The following XYLT1 variants were observed in gnomAD, a reference collection of about 807,000 sequenced individuals.
The protein encoded by XYLT1 is beta-D-xylosyltransferase 1.
In XYLT1, 36 loss-of-function variants were observed where a neutral mutation model predicts 91.3. The ratio of observed to expected loss-of-function variants is 0.39; its 90% CI spans 0.30 to 0.52. The LOEUF is 0.52. XYLT1 is among the 20% of genes least tolerant of loss of function. The pLI is 0.68. For missense variants in XYLT1, 1,242 were observed against 1,284.5 expected (o/e 0.97, Z 0.51); for synonymous variants, 588 against 532.0 (o/e 1.11, Z -1.45).
chr16:17,372,714 C>A (rs994912530), intron 1 of XYLT1, among the ~76,000 whole-genome samples: 2 of 152,174 alleles, frequency 1.3e-5, no homozygotes, highest in African/African-American at 4.8e-5. Flanking sequence ...GTATCAGAGT[C>A]TCTGTGTACA....
intron 1 of XYLT1, among the ~76,000 whole-genome samples, chr16:17,392,709 G>T (rs1446122501): frequency 6.6e-6 from 1 of 152,090 alleles, no homozygotes; most frequent in East Asian, 1.9e-4. Flanking sequence ...CAAGACAGAA[G>T]GCCACATATC....
chr16:17,461,374 A>G (rs1362251514), intron 1 of XYLT1, among the ~76,000 whole-genome samples: 2 of 152,208 alleles, frequency 1.3e-5, no homozygotes, highest in Admixed American at 1.3e-4. Flanking sequence ...CTCCCTAGAG[A>G]TCGGCCACTT....
chr16:17,293,329 TG>T (rs1247032778), intron 2 of XYLT1, among the ~76,000 whole-genome samples: 2 of 152,154 alleles, frequency 1.3e-5, no homozygotes, highest in Non-Finnish European at 2.9e-5. Context: ...TCCGCTGACC[TG>T]GGAGCATCTC....
intron 2 of XYLT1, among the ~76,000 whole-genome samples, chr16:17,304,516 T>C (rs1215608780): frequency 1.3e-5 from 2 of 152,224 alleles, no homozygotes; most frequent in Non-Finnish European, 2.9e-5. Context: ...TTAAAGTGAT[T>C]GTAACATGTT....
intron 1 of XYLT1, 91 bp downstream of exon 1, chr16:17,470,343 T>C: frequency 8.4e-7 from 1 of 1,193,414 alleles, no homozygotes; most frequent in Non-Finnish European, 1.0e-6. Flanking sequence ...AGTCCCAGTC[T>C]GATGACCGAG....
At chr16:17,449,153 G>T (rs1189876922) in intron 1 of XYLT1, among the ~76,000 whole-genome samples, 1 of 152,194 alleles carries the variant, frequency 6.6e-6, no homozygotes, top group Non-Finnish European at 1.5e-5. Context: ...CATGCCCTGG[G>T]CTCCCTCTGA....
intron 6 of XYLT1, among the ~76,000 whole-genome samples, chr16:17,151,365 G>T (rs1301532369): frequency 6.6e-6 from 1 of 152,156 alleles, no homozygotes; most frequent in Non-Finnish European, 1.5e-5. Context: ...GGTGGAGGTT[G>T]GAGTGAGCTG....
chr16:17,200,307 C>G (rs573080571), intron 4 of XYLT1, among the ~76,000 whole-genome samples, 175 bp downstream of exon 4: 29 of 152,244 alleles, frequency 1.9e-4, no homozygotes, highest in Non-Finnish European at 3.7e-4. Flanking sequence ...GAAACCAACA[C>G]ACACATAGAG....
chr16:17,192,628 C>A (rs1326537580), intron 5 of XYLT1, among the ~76,000 whole-genome samples: 1 of 152,156 alleles, frequency 6.6e-6, no homozygotes, highest in Non-Finnish European at 1.5e-5. Flanking sequence ...ACAACCAGCT[C>A]CAGCTGGAGC....
intron 3 of XYLT1, among the ~76,000 whole-genome samples, chr16:17,236,249 T>C (rs1596439973): frequency 6.6e-6 from 1 of 152,202 alleles, no homozygotes; most frequent in African/African-American, 2.4e-5. Flanking sequence ...AATTCAAGCA[T>C]CTAGCCTGGG....
chr16:17,175,626 C>T (rs545323046), intron 5 of XYLT1, among the ~76,000 whole-genome samples: 4 of 152,292 alleles, frequency 2.6e-5, no homozygotes, highest in East Asian at 3.9e-4. Flanking sequence ...ACCTCCCTGT[C>T]CTCTCTCATG....
chr16:17,459,699 T>C (rs2036789947), intron 1 of XYLT1, among the ~76,000 whole-genome samples: 1 of 152,226 alleles, frequency 6.6e-6, no homozygotes, highest in Non-Finnish European at 1.5e-5. Flanking sequence ...TTTTTTGCAA[T>C]GTTCTTGTTT....
At chr16:17,399,251 T>C (rs776706072) in intron 1 of XYLT1, among the ~76,000 whole-genome samples, 5 of 152,142 alleles carry the variant, frequency 3.3e-5, no homozygotes, top group Non-Finnish European at 7.4e-5. Flanking sequence ...CAACGGAGGC[T>C]GAGATGCTCA....
rs116255508 is a variant in XYLT1 at position 17,124,991 on chromosome 16, C to T, written c.2223+2675G>A. On this transcript the variant is annotated intron_variant, in intron 10 of 11. Coordinates refer to ENST00000261381, the MANE Select transcript of XYLT1 (RefSeq NM_022166.4). ...ATATTTCACTGGAGATTTTTCCATT[C>T]GTATCCTATATCTTTTTTTTTAAGT... 4.1e-3 allele frequency among the ~76,000 whole-genome samples: 627 copies of T among 152,256 alleles called. 4 individuals are homozygous for T. The highest frequency in any genetic ancestry group is 0.014 in the African/African-American group (589 of 41,552).
intron 2 of XYLT1, among the ~76,000 whole-genome samples, chr16:17,283,502 T>G (rs1314170856): frequency 6.6e-6 from 1 of 152,220 alleles, no homozygotes; most frequent in Admixed American, 6.5e-5. Flanking sequence ...ACTCCTCGCC[T>G]GCCATGACAG....
chr16:17,389,712 T>C (rs1162338942), intron 1 of XYLT1, among the ~76,000 whole-genome samples: 1 of 152,140 alleles, frequency 6.6e-6, no homozygotes, highest in Non-Finnish European at 1.5e-5. Context: ...TAAAGTGAAA[T>C]ATACAGCCCA....
intron 3 of XYLT1, among the ~76,000 whole-genome samples, chr16:17,220,334 A>C (rs1472110140): frequency 6.6e-6 from 1 of 152,132 alleles, no homozygotes; most frequent in African/African-American, 2.4e-5. Context: ...ATATGAGCAC[A>C]ATTGAAATCT....
intron 5 of XYLT1, among the ~76,000 whole-genome samples, chr16:17,187,496 G>A (rs2032210700): frequency 1.5e-5 from 2 of 137,820 alleles, no homozygotes; most frequent in Non-Finnish European, 3.0e-5. Context: ...GAACCTGGGA[G>A]GCAAAGGTTA....
chr16:17,178,001 T>C (rs948272073), intron 5 of XYLT1, among the ~76,000 whole-genome samples: 10 of 152,082 alleles, frequency 6.6e-5, no homozygotes, highest in African/African-American at 2.4e-4. Flanking sequence ...TGATTCAGAT[T>C]GAGGAAGGTG....
Sources: gnomAD v4.1 joint callset for allele counts (sites outside exome capture counted in the v4.1 genomes callset) on GRCh38, gnomAD v4.1.1 for gene constraint, MANE v1.5 for transcripts, NCBI Gene and HGNC (gene_info 2026-07-23, HGNC 2026-07-21) for gene names.